The following FREM2 variants were observed in gnomAD, a reference collection of about 807,000 sequenced individuals.
The protein encoded by FREM2 is FRAS1 related extracellular matrix 2.
In FREM2, 119 loss-of-function variants were observed where a neutral mutation model predicts 219.9. The ratio of observed to expected loss-of-function variants is 0.54; its 90% confidence interval spans 0.47 to 0.63. The LOEUF (loss-of-function observed/expected upper bound fraction) is 0.63, where lower values mean the gene tolerates loss of function less well. Ranked by LOEUF, FREM2 falls within the 30% of genes least tolerant of loss-of-function variation. FREM2 has a pLI of 0.00. For missense variants in FREM2, 4,030 were observed against 3,993.6 expected (o/e 1.01, Z -0.25); for synonymous variants, 1,562 against 1,522.8 (o/e 1.03, Z -0.60).
intron 2 of FREM2, among the ~76,000 whole-genome samples, chr13:38,725,564 G>C (rs567431401): frequency 1.3e-5 from 2 of 152,316 alleles, no homozygotes; most frequent in South Asian, 4.1e-4. Flanking sequence ...GCCAAGGTCT[G>C]AGGTAGAAAA....
At chr13:38,732,303 T>C (rs1871797874) in intron 2 of FREM2, among the ~76,000 whole-genome samples, 1 of 152,226 alleles carries the variant, frequency 6.6e-6, no homozygotes, top group South Asian at 2.1e-4. Context: ...ATGTCAGAGT[T>C]TGCCAAATTC....
intron 10 of FREM2, 35 bp from the exon 11 acceptor site, chr13:38,851,651 A>T (rs1231587963): frequency 6.8e-7 from 1 of 1,468,534 alleles, no homozygotes; most frequent in South Asian, 1.1e-5. Context: ...CCCCTTACTA[A>T]CAATTTCATT....
chr13:38,756,818 G>A (rs919805442), intron 2 of FREM2, among the ~76,000 whole-genome samples: 2 of 151,948 alleles, frequency 1.3e-5, no homozygotes, highest in East Asian at 1.9e-4. Flanking sequence ...TGGGATTACC[G>A]GCGTGAACCA....
At chr13:38,716,676 T>G (rs573965649) in intron 2 of FREM2, among the ~76,000 whole-genome samples, 6 of 152,136 alleles carry the variant, frequency 3.9e-5, no homozygotes, top group African/African-American at 1.2e-4. Context: ...CCCAGCTAAG[T>G]TTTGTATTTT....
chr13:38,851,652 C>T (rs781155427), intron 10 of FREM2, 34 bp from the exon 11 acceptor site: 38 of 1,476,268 alleles, frequency 2.6e-5, no homozygotes, highest in Admixed American at 3.3e-5. Flanking sequence ...CCCTTACTAA[C>T]AATTTCATTT....
At chr13:38,742,837 C>T (rs181248281) in intron 2 of FREM2, among the ~76,000 whole-genome samples, 39 of 152,284 alleles carry the variant, frequency 2.6e-4, no homozygotes, top group African/African-American at 9.1e-4. Context: ...ACTGAACCAA[C>T]AACATGTTTG....
At chr13:38,728,139 G>A (rs1871605518) in intron 2 of FREM2, among the ~76,000 whole-genome samples, 2 of 151,836 alleles carry the variant, frequency 1.3e-5, no homozygotes, top group Non-Finnish European at 2.9e-5. Flanking sequence ...GCTTTGCCGT[G>A]TTCAGCACCC....
At chr13:38,716,503 C>T (rs940294549) in intron 2 of FREM2, among the ~76,000 whole-genome samples, 6 of 151,972 alleles carry the variant, frequency 3.9e-5, no homozygotes, top group African/African-American at 1.4e-4. Flanking sequence ...CAGTAATCAT[C>T]TCTGTTCTTT....
At chr13:38,859,157 C>G in intron 13 of FREM2, 130 bp from the exon 14 acceptor site, 1 of 814,682 alleles carries the variant, frequency 1.2e-6, no homozygotes, top group Non-Finnish European at 2.1e-6. Flanking sequence ...GATCAAAATT[C>G]GGAAGCTGTA....
In FREM2 at chr13:38,764,433, G is replaced by A. The variant is rs756648507; in HGVS notation, c.5393G>A (p.Gly1798Glu). The change falls in exon 3 of 24, where the codon GGA (glycine) becomes GAA (glutamate). Residue 1798 changes from glycine (G) to glutamate (E), a missense_variant. Gly to Glu is a moderately conservative substitution (Grantham distance 98, BLOSUM62 -2). Transcript: ENST00000280481. ...DVVLKRRGYLGETSFISIGTR... is the reference protein window; with the variant it reads ...DVVLKRRGYLEETSFISIGTR... ...GTTCTTAAACGTAGAGGTTACTTGG[G>A]AGAAACTTCTTTTATAAGTAAGTTT... is the stretch of plus-strand genomic sequence containing the variant. 2 of 1,560,878 alleles carry A rather than the reference G, an allele frequency of 1.3e-6. No homozygotes were observed. Among genetic ancestry groups the A allele is most frequent in the Non-Finnish European group, 1.7e-6 (2 of 1,144,226 alleles).
intron 2 of FREM2, among the ~76,000 whole-genome samples, chr13:38,743,151 A>G (rs2137783047): frequency 6.6e-6 from 1 of 152,282 alleles, no homozygotes; most frequent in African/African-American, 2.4e-5. Context: ...GTCTCCTGGC[A>G]TCCAAATATA....
intron 17 of FREM2, 96 bp from the exon 18 acceptor site, chr13:38,874,386 A>C: frequency 1.1e-6 from 1 of 941,332 alleles, no homozygotes; most frequent in Non-Finnish European, 1.7e-6. Context: ...GAATGTTTAA[A>C]GACAAGTCAA....
At chr13:38,723,466 A>G (rs923866670) in intron 2 of FREM2, among the ~76,000 whole-genome samples, 1 of 152,130 alleles carries the variant, frequency 6.6e-6, no homozygotes, top group African/African-American at 2.4e-5. Context: ...TAAGCTAGCA[A>G]CTGGGCTTTT....
intron 8 of FREM2, among the ~76,000 whole-genome samples, chr13:38,848,939 A>G (rs1020829128): frequency 2.0e-5 from 3 of 152,050 alleles, no homozygotes; most frequent in African/African-American, 7.2e-5. Flanking sequence ...TGGCTTGAAG[A>G]TGGCCATGTT....
intron 3 of FREM2, 64 bp downstream of exon 3, chr13:38,764,514 C>A: frequency 1.0e-6 from 1 of 993,894 alleles, no homozygotes; most frequent in Non-Finnish European, 1.5e-6. Flanking sequence ...TATAATTCTA[C>A]AGTGATTAAA....
intron 2 of FREM2, among the ~76,000 whole-genome samples, chr13:38,701,332 C>T (rs1037992974): frequency 1.3e-5 from 2 of 152,032 alleles, no homozygotes; most frequent in Non-Finnish European, 2.9e-5. Context: ...CTAATGAGCT[C>T]GTGTATATAT....
chr13:38,853,353 T>C (rs965970860), intron 11 of FREM2, among the ~76,000 whole-genome samples: 4 of 151,306 alleles, frequency 2.6e-5, no homozygotes, highest in Non-Finnish European at 4.4e-5. Context: ...AGTTCTTCTC[T>C]CTCACTTGCT....
At position 38,691,479 on chromosome 13, in the gene FREM2, T is replaced by A. The variant is rs1869856417; in HGVS notation, c.4135T>A (p.Leu1379Ile). The change falls in exon 1 of 24, where the codon TTA becomes ATA. Residue 1379 changes from leucine (L) to isoleucine (I), a missense_variant. Leu to Ile is a conservative substitution (Grantham distance 5, BLOSUM62 2). Transcript: ENST00000280481. ...TACCCAGGATGAAGTAGACAGAAAC[T>A]TAATTCAGTATGTCCATTTGGGGCA... ...NFTQDEVDRN[L>I]IQYVHLGQEG... 1 of 1,614,014 alleles carries A rather than the reference T, an allele frequency of 6.2e-7. No homozygotes were observed. The highest frequency in any genetic ancestry group is 8.5e-7 in the Non-Finnish European group (1 of 1,180,020).
At chr13:38,858,064 A>G in intron 13 of FREM2, 31 bp downstream of exon 13, 2 of 1,557,660 alleles carry the variant, frequency 1.3e-6, no homozygotes, top group Middle Eastern at 1.7e-4. Context: ...ATTGAGGAAA[A>G]TTGTAAGATA....
Sources: allele counts gnomAD v4.1 joint callset (sites outside exome capture counted in the v4.1 genomes callset), GRCh38; gene constraint gnomAD v4.1.1; transcripts MANE v1.5; gene names NCBI Gene and HGNC (gene_info 2026-07-23, HGNC 2026-07-21).